Variants in EIF3B observed in about 807,000 individuals in gnomAD.
The protein encoded by EIF3B is eukaryotic translation initiation factor 3 subunit B.
A neutral mutation model predicts 104.6 loss-of-function variants in EIF3B; 10 were observed. The ratio of observed to expected loss-of-function variants is 0.10; its 90% confidence interval spans 0.06 to 0.16. The LOEUF (loss-of-function observed/expected upper bound fraction) is 0.16, where lower values mean the gene tolerates loss of function less well. Ranked by LOEUF, EIF3B falls within the 10% of genes least tolerant of loss-of-function variation. The pLI is 1.00. For synonymous variants in EIF3B, 542 were observed against 417.2 expected, an observed-to-expected ratio of 1.30 and a Z score of -3.65; for missense variants, 1,014 against 1,087.9, an observed-to-expected ratio of 0.93 and a Z score of 0.96.
chr7:2,355,283 C>A lies in EIF3B; in HGVS notation c.362C>A (p.Ala121Asp). The A allele has an allele frequency of 1.3e-6, 2 of 1,535,628 alleles. No individual in the cohort carries two copies. Among genetic ancestry groups the A allele is most frequent in the Non-Finnish European group, 1.7e-6 (2 of 1,147,910 alleles). The change falls in exon 1 of 19, where the codon GCC becomes GAC. Residue 121 changes from alanine to aspartate, a missense_variant. Coordinates refer to ENST00000360876, the MANE Select transcript of EIF3B (RefSeq NM_001037283.2). ...CGGGACGAGCGCTCCGACAGCCGGG[C>A]CCAGGCGGTGTCCGAGGACGCGGGA... ...QARDERSDSR[A>D]QAVSEDAGGN... is the part of the protein sequence containing the mutation.
At chr7:2,372,980 G>C in intron 12 of EIF3B, 185 bp downstream of exon 12, 1 of 501,212 alleles carries the variant, frequency 2.0e-6, no homozygotes, top group Non-Finnish European at 3.3e-6. Context: ...CCTCCTTGCA[G>C]GGTGTCTCTC....
intron 1 of EIF3B, among the ~76,000 whole-genome samples, chr7:2,357,535 G>C (rs561623115): frequency 1.8e-4 from 28 of 152,282 alleles, no homozygotes; most frequent in African/African-American, 6.3e-4. Flanking sequence ...TTACTTTTTT[G>C]GTACAGATTA....
intron 9 of EIF3B, among the ~76,000 whole-genome samples, chr7:2,368,218 C>G (rs116222775): frequency 6.6e-6 from 1 of 152,284 alleles, no homozygotes; most frequent in Non-Finnish European, 1.5e-5. Flanking sequence ...TCTCGGCTGA[C>G]TGCAGCCTTC....
intron 3 of EIF3B, 148 bp from the exon 4 acceptor site, chr7:2,362,922 T>G: frequency 4.2e-6 from 6 of 1,435,692 alleles, no homozygotes; most frequent in Non-Finnish European, 4.8e-6. Context: ...TGCCCCACAC[T>G]TCTGGCCTAC....
intron 10 of EIF3B, 107 bp from the exon 11 acceptor site, chr7:2,371,670 C>T: frequency 2.3e-6 from 2 of 863,000 alleles, no homozygotes; most frequent in Non-Finnish European, 3.9e-6. Flanking sequence ...GTGTGTGAAC[C>T]AGGCATGCAC....
At chr7:2,354,798 C>CGGA, upstream of EIF3B, 1 of 968,322 alleles carries the variant, frequency 1.0e-6, no homozygotes, top group Non-Finnish European at 1.2e-6. Context: ...CGCCCCGCGG[C>CGGA]CTTGGTGCGG....
chr7:2,378,474 GGTGTC>G, intron 15 of EIF3B: 1 of 230,234 alleles, frequency 4.3e-6, no homozygotes, highest in Admixed American at 8.4e-5. Flanking sequence ...AATGACCCTG[GGTGTC>G]ATGGAGGAAG....
At chr7:2,376,751 C>A (rs150672383) in intron 14 of EIF3B, 199 bp from the exon 15 acceptor site, 10,500 of 656,250 alleles carry the variant, frequency 0.016, 125 homozygotes, top group Non-Finnish European at 0.022. Flanking sequence ...CTGCTCCGTG[C>A]CCCGCACTCC....
At chr7:2,373,130 G>A in intron 12 of EIF3B, 1 of 188,730 alleles carries the variant, frequency 5.3e-6, no homozygotes, top group Non-Finnish European at 1.1e-5. Flanking sequence ...ACATACTCCT[G>A]CCAGTCCCCA....
intron 10 of EIF3B, 45 bp from the exon 11 acceptor site, chr7:2,371,732 T>A (rs375265638): frequency 4.2e-6 from 6 of 1,412,370 alleles, no homozygotes; most frequent in Non-Finnish European, 5.0e-6. Context: ...TTTCTCATAT[T>A]TTCACTGTCC....
At chr7:2,379,030 C>T in intron 16 of EIF3B, 104 bp from the exon 17 acceptor site, 2 of 948,218 alleles carry the variant, frequency 2.1e-6, no homozygotes, top group Non-Finnish European at 3.2e-6. Flanking sequence ...GCTTGAGTGC[C>T]TCTGTATGCT....
intron 5 of EIF3B, 53 bp from the exon 6 acceptor site, chr7:2,364,319 T>G: frequency 2.1e-6 from 3 of 1,457,344 alleles, no homozygotes; most frequent in Non-Finnish European, 1.8e-6. Context: ...GTAGGAGGGG[T>G]CTTTGTGTTT....
At chr7:2,365,022 G>A (rs10252112) in intron 6 of EIF3B, among the ~76,000 whole-genome samples, 46,330 of 152,218 alleles carry the variant, frequency 0.3, 8,175 homozygotes, top group African/African-American at 0.5. Flanking sequence ...CACCATTGCA[G>A]GCTCATTGCA....
chr7:2,359,090 A>G (rs754004003), intron 1 of EIF3B, among the ~76,000 whole-genome samples: 1 of 151,968 alleles, frequency 6.6e-6, no homozygotes, highest in Non-Finnish European at 1.5e-5. Flanking sequence ...AGGAGCTTGT[A>G]TATTCTCCAG....
At chr7:2,355,957 T>A (rs1375847842) in intron 1 of EIF3B, among the ~76,000 whole-genome samples, 1 of 152,166 alleles carries the variant, frequency 6.6e-6, no homozygotes, top group African/African-American at 2.4e-5. Context: ...AGTTTGATTT[T>A]TCTTTATCTC....
At chr7:2,375,250 A>T in intron 13 of EIF3B, 139 bp from the exon 14 acceptor site, 1 of 1,019,864 alleles carries the variant, frequency 9.8e-7, no homozygotes. Context: ...AGCGGCCACC[A>T]GAGGCTGTTG....
intron 16 of EIF3B, 23 bp from the exon 17 acceptor site, chr7:2,379,111 G>A (rs1301366205): frequency 1.2e-6 from 2 of 1,607,652 alleles, no homozygotes; most frequent in Middle Eastern, 1.7e-4. Context: ...CCAGTTCTGT[G>A]CTTTCCCCAA....
chr7:2,364,634 C>T lies in EIF3B; in HGVS notation c.1157+105C>T, dbSNP rs143489338. The T allele has an allele frequency of 5.5e-6, 6 of 1,094,360 alleles. No individual in the cohort carries two copies. In the Admixed American group the frequency reaches 9.5e-5, roughly 17 times the overall value. The allele number at this position is 1,094,360 out of a possible 1,614,324, so 67.8% of individuals were successfully genotyped here. A position where few individuals can be genotyped will look rare whatever the true frequency, so the allele number is the denominator to read the frequency against. The stretch of plus-strand genomic sequence containing the variant: ...GCATTTCAAACTTAGTAGAAAAATA[C>T]GGGAGTATGCAGAACGCTAATAAGC... On this transcript the variant is annotated intron_variant, in intron 6 of 18. Transcript: ENST00000360876.
At chr7:2,357,830 G>A (rs1364218196) in intron 1 of EIF3B, among the ~76,000 whole-genome samples, 1 of 152,118 alleles carries the variant, frequency 6.6e-6, no homozygotes, top group Non-Finnish European at 1.5e-5. Flanking sequence ...TAGACGCTTT[G>A]AGCTTGTGGG....
Sources: gnomAD v4.1 joint callset for allele counts (sites outside exome capture counted in the v4.1 genomes callset) on GRCh38, gnomAD v4.1.1 for gene constraint, MANE v1.5 for transcripts, NCBI Gene and HGNC (gene_info 2026-07-23, HGNC 2026-07-21) for gene names.